The following KLRB1 variants were observed in gnomAD, a reference collection of about 807,000 sequenced individuals.
KLRB1 encodes the protein killer cell lectin-like receptor subfamily B member 1.
A neutral mutation model predicts 33.5 loss-of-function variants in KLRB1; 27 were observed. That is an observed-to-expected ratio of 0.81 (90% CI 0.59 to 1.11). The LOEUF (loss-of-function observed/expected upper bound fraction) is 1.11, where lower values mean the gene tolerates loss of function less well. Ranked by LOEUF, KLRB1 falls within the 50% of genes most tolerant of loss-of-function variation. The pLI is 0.00. For missense variants in KLRB1, 241 were observed against 254.1 expected, an observed-to-expected ratio of 0.95 and a Z score of 0.35; for synonymous variants, 64 against 88.9, an observed-to-expected ratio of 0.72 and a Z score of 1.58.
intron 1 of KLRB1, among the ~76,000 whole-genome samples, chr12:9,603,116 G>T (rs1293133438): frequency 6.6e-6 from 1 of 152,134 alleles, no homozygotes; most frequent in South Asian, 2.1e-4. Flanking sequence ...ATCAGTGGAG[G>T]GGGGCAGGGA....
intron 3 of KLRB1, 34 bp from the exon 4 acceptor site, chr12:9,598,687 TA>T: frequency 6.5e-7 from 1 of 1,541,456 alleles, no homozygotes; most frequent in Non-Finnish European, 8.9e-7. Flanking sequence ...AAATAAATGT[TA>T]TATTTCTAAC....
At chr12:9,607,415 T>TTTCTTTTCTTTTCTTTTCTTTTCTTTTTG (rs143585761) in intron 1 of KLRB1, among the ~76,000 whole-genome samples, 1 of 103,282 alleles carries the variant, frequency 9.7e-6, no homozygotes, top group East Asian at 3.6e-4. Context: ...TTTTCTTTCT[T>TTTCTTTTCTTTTCTTTTCTTTTCTTTTTG]TCTTTCTTTC....
At chr12:9,595,464 CT>C (rs758389973) in intron 5 of KLRB1, 43 bp from the exon 6 acceptor site, 1 of 1,584,916 alleles carries the variant, frequency 6.3e-7, no homozygotes, top group Non-Finnish European at 8.6e-7. Context: ...TTATGATTTT[CT>C]CAGAGCTATT....
At position 9,595,410 on chromosome 12, in the gene KLRB1, C is replaced by CT. The variant is rs1864483704; in HGVS notation, c.541dup (p.Arg181LysfsTer3). ...ACAGCTGTTTTCTTTAGCATCACCT[C>CT]TAATTTCTAAGCTGTGGAGCAAAAG... On this transcript the variant is annotated frameshift_variant, in exon 6 of 6. Transcript: ENST00000229402. LOFTEE classifies it high-confidence loss of function. The CT allele has an allele frequency of 6.2e-7, 1 of 1,612,252 alleles. No individual in the cohort carries two copies. The highest frequency in any genetic ancestry group is 8.5e-7 in the Non-Finnish European group (1 of 1,179,546).
rs768238888 is a variant in KLRB1, at chr12:9,607,408, T to TTTCTTTCTTTC, written c.85+346_85+347insGAAAGAAAGAA. Among the ~76,000 whole-genome samples, 403 of 125,732 alleles carry TTTCTTTCTTTC rather than the reference T, an allele frequency of 3.2e-3. 13 individuals are homozygous for TTTCTTTCTTTC. Among genetic ancestry groups the TTTCTTTCTTTC allele is most frequent in the Middle Eastern group, 7.6e-3 (2 of 262 alleles). 82.5% of individuals were successfully genotyped at this position (125,732 alleles called of 152,430 possible). On this transcript the variant is annotated intron_variant, in intron 1 of 5. Coordinates refer to ENST00000229402, the MANE Select transcript of KLRB1 (RefSeq NM_002258.3). The stretch of plus-strand genomic sequence containing the variant: ...TCTTTCTTTCTTTCTTTCTTTCTTT[T>TTTCTTTCTTTC]CTTTCTTTCTTTCTTTCTTCCTTCT...
chr12:9,607,173 G>A (rs143473822), intron 1 of KLRB1, among the ~76,000 whole-genome samples: 1 of 152,174 alleles, frequency 6.6e-6, no homozygotes, highest in East Asian at 1.9e-4. Context: ...AGTTTGCAAT[G>A]TGTCTTAAAT....
chr12:9,607,355 C>CTTGCTTTCTTTCTTT (rs1555097796), intron 1 of KLRB1, among the ~76,000 whole-genome samples: 1 of 52,706 alleles, frequency 1.9e-5, no homozygotes, highest in Non-Finnish European at 4.4e-5. Flanking sequence ...TTTCTTTCTT[C>CTTGCTTTCTTTCTTT]CTTTCTTTCT....
At position 9,599,973 on chromosome 12, in the gene KLRB1, G is replaced by A. The variant is rs1028584108; in HGVS notation, c.185-132C>T. 13 of 438,654 alleles carry A rather than the reference G, an allele frequency of 3.0e-5. No individual in the cohort carries two copies. The highest frequency in any genetic ancestry group is 1.1e-4 in the South Asian group (4 of 35,262). 27.2% of individuals were successfully genotyped at this position (438,654 alleles called of 1,614,324 possible). A position where few individuals can be genotyped will look rare whatever the true frequency, so the allele number is the denominator to read the frequency against. On this transcript the variant is annotated intron_variant, in intron 2 of 5. Coordinates refer to ENST00000229402, the MANE Select transcript of KLRB1 (RefSeq NM_002258.3). ...ATGGACAGAAAATAAAAGTATTAGC[G>A]AAGTGGTAAAAAAAAAAAAAAAAGA...
chr12:9,598,442 T>TG, intron 4 of KLRB1, 57 bp downstream of exon 4: 1 of 1,182,756 alleles, frequency 8.5e-7, no homozygotes, highest in Non-Finnish European at 1.2e-6. Flanking sequence ...GCACAGACAT[T>TG]AATATGGTTT....
At chr12:9,602,566 T>A (rs1864557360) in intron 1 of KLRB1, among the ~76,000 whole-genome samples, 1 of 152,118 alleles carries the variant, frequency 6.6e-6, no homozygotes, top group Admixed American at 6.5e-5. Context: ...CTATCTCTGA[T>A]TTAATTGTAA....
At chr12:9,607,335 C>CTTTCTTTCTTCCTTTCTTT (rs1491505010) in intron 1 of KLRB1, among the ~76,000 whole-genome samples, 1 of 65,170 alleles carries the variant, frequency 1.5e-5, no homozygotes, top group Non-Finnish European at 3.6e-5. Flanking sequence ...CTCTTTCTTT[C>CTTTCTTTCTTCCTTTCTTT]CTTTCTTTCT....
chr12:9,607,335 C>CCTTCCTTCCTTCCTTT (rs1864621978), intron 1 of KLRB1, among the ~76,000 whole-genome samples: 91 of 65,226 alleles, frequency 1.4e-3, no homozygotes, highest in East Asian at 6.3e-3. Flanking sequence ...CTCTTTCTTT[C>CCTTCCTTCCTTCCTTT]CTTTCTTTCT....
chr12:9,598,647 G>T lies in KLRB1; in HGVS notation c.266C>A (p.Pro89Gln), dbSNP rs767621944. The T allele has an allele frequency of 6.2e-7, 1 of 1,605,262 alleles. No homozygotes were observed. The highest frequency in any genetic ancestry group is 8.5e-7 in the Non-Finnish European group (1 of 1,175,762). The change falls in exon 4 of 6, where the codon CCG becomes CAG. Residue 89 changes from proline (P) to glutamine (Q), a missense_variant. Pro to Gln is a moderately conservative substitution (Grantham distance 76, BLOSUM62 -1). Transcript: ENST00000229402. ...QQSRNKTTER[P>Q]GLLNCPIYWQ... is the part of the protein sequence containing the mutation. ...ATATATTGGGCAGTTTAAGAGACCC[G>T]GTCTCTCTAAAGTAAAAAACAGAAA...
At chr12:9,607,343 T>TCTTTCTTC (rs1555097777) in intron 1 of KLRB1, among the ~76,000 whole-genome samples, 4 of 68,066 alleles carry the variant, frequency 5.9e-5, no homozygotes, top group African/African-American at 9.6e-5. Flanking sequence ...TTCCTTTCTT[T>TCTTTCTTC]CTTTCTTTCT....
intron 3 of KLRB1, among the ~76,000 whole-genome samples, chr12:9,599,255 C>T (rs1483405872): frequency 2.0e-5 from 3 of 152,196 alleles, no homozygotes; most frequent in African/African-American, 7.2e-5. Flanking sequence ...CTTAAAACTT[C>T]CATTCTGTGA....
intron 1 of KLRB1, among the ~76,000 whole-genome samples, chr12:9,601,906 G>C (rs1424669047): frequency 6.6e-6 from 1 of 152,212 alleles, no homozygotes; most frequent in East Asian, 1.9e-4. Context: ...TTTGAAAATT[G>C]CCAAGTGCTA....
intron 2 of KLRB1, 27 bp downstream of exon 2, chr12:9,601,474 T>C (rs968325738): frequency 8.6e-6 from 13 of 1,511,502 alleles, no homozygotes; most frequent in Non-Finnish European, 1.1e-5. Flanking sequence ...GTAAGTATTA[T>C]GAAACAGATG....
At chr12:9,607,300 C>CCTTT (rs998682907) in intron 1 of KLRB1, among the ~76,000 whole-genome samples, 2 of 74,784 alleles carry the variant, frequency 2.7e-5, no homozygotes, top group Non-Finnish European at 5.3e-5. Context: ...TTCTTTCTCT[C>CCTTT]CTTTCTTTCT....
Position 9,595,094 on chromosome 12 carries a change from A to G in KLRB1, c.*180T>C. ...TTTTTCTCTATGTCTCTGTTTCCTC[A>G]TTTAATAGAATGAATATGATAAACA... is the stretch of plus-strand genomic sequence containing the variant. On this transcript the variant is annotated 3_prime_UTR_variant, in exon 6 of 6. Transcript: ENST00000229402. 5.2e-6 allele frequency: 3 copies of G among 577,278 alleles called. No homozygotes were observed. The highest frequency in any genetic ancestry group is 9.2e-6 in the Non-Finnish European group (3 of 325,826). 35.8% of individuals were successfully genotyped at this position (577,278 alleles called of 1,614,324 possible). A position where few individuals can be genotyped will look rare whatever the true frequency, so the allele number is the denominator to read the frequency against.
Sources: gnomAD v4.1 joint callset for allele counts (sites outside exome capture counted in the v4.1 genomes callset) on GRCh38, gnomAD v4.1.1 for gene constraint, MANE v1.5 for transcripts, NCBI Gene and HGNC (gene_info 2026-07-23, HGNC 2026-07-21) for gene names.